The following REPS2 variants were observed in gnomAD, a reference collection of about 807,000 sequenced individuals.
REPS2 encodes ralBP1-associated Eps domain-containing protein 2.
A neutral mutation model predicts 53.6 loss-of-function variants in REPS2; 23 were observed. That is an observed-to-expected ratio of 0.43 (90% CI 0.31 to 0.61). The LOEUF is 0.61. Among genes scored for constraint, REPS2 ranks in the 20% least tolerant of loss-of-function variants. The pLI, the probability that REPS2 is intolerant of heterozygous loss-of-function variation, is 0.11. For missense variants in REPS2, 446 were observed against 534.9 expected, an observed-to-expected ratio of 0.83 and a Z score of 1.64; for synonymous variants, 238 against 218.6, an observed-to-expected ratio of 1.09 and a Z score of -0.78.
chrX:17,073,550 G>GT (rs964447074), intron 11 of REPS2, among the ~76,000 whole-genome samples: 5 of 111,793 alleles, frequency 4.5e-5, no homozygotes, highest in African/African-American at 1.6e-4. Flanking sequence ...ATAATTCTCT[G>GT]TATGATTTGG....
chrX:17,065,958 T>C (rs1822040407), intron 9 of REPS2, among the ~76,000 whole-genome samples: 1 of 111,303 alleles, frequency 9.0e-6, no homozygotes. Context: ...GTGTATGTTC[T>C]GAGGAAGAGG....
rs373292093 is a variant in REPS2, at chrX:16,947,389, C to T, written c.273+255C>T. Among the ~76,000 whole-genome samples, 26 of 112,180 alleles carry T rather than the reference C, an allele frequency of 2.3e-4. No homozygotes were observed. In the East Asian group the frequency reaches 6.8e-3, roughly 29 times the overall value. Reference sequence around the variant, plus strand: ...CTTCCCTGAGACAGTCTGACACTCTCTCCCCTCCCCCGGCCATTTCTGGGG... The same window carrying T: ...CTTCCCTGAGACAGTCTGACACTCTTTCCCCTCCCCCGGCCATTTCTGGGG... On this transcript the variant is annotated intron_variant, in intron 1 of 17. Transcript: ENST00000357277.
In REPS2 at chrX:17,001,736, T is replaced by A. The variant is rs753856882; in HGVS notation, c.274-4485T>A. The stretch of plus-strand genomic sequence containing the variant: ...ATCCGAGACTGGGAAGAAAAAGAGG[T>A]TTAATTGGACTTACAGTTCCACATG... On this transcript the variant is annotated intron_variant, in intron 1 of 17. Coordinates refer to ENST00000357277, the MANE Select transcript of REPS2 (RefSeq NM_004726.3). Among the ~76,000 whole-genome samples the A allele has an allele frequency of 2.7e-5, 3 of 110,728 alleles. No individual in the cohort carries two copies. In the South Asian group the frequency reaches 1.2e-3, roughly 43 times the overall value.
intron 1 of REPS2, among the ~76,000 whole-genome samples, chrX:16,948,391 C>T (rs2060468031): frequency 8.9e-6 from 1 of 112,444 alleles, no homozygotes; most frequent in Non-Finnish European, 1.9e-5. Flanking sequence ...GATATGTAGA[C>T]AGTTCTGCCA....
chrX:17,046,165 T>A (rs772658431), intron 5 of REPS2, among the ~76,000 whole-genome samples: 25 of 107,313 alleles, frequency 2.3e-4, no homozygotes, highest in Non-Finnish European at 3.9e-4. Flanking sequence ...ATTTATTTTT[T>A]TTTTTTTGAG....
chrX:17,037,612 G>A (rs944475207), intron 5 of REPS2, among the ~76,000 whole-genome samples: 2 of 112,538 alleles, frequency 1.8e-5, no homozygotes, highest in Non-Finnish European at 3.8e-5. Context: ...CACCATGCCC[G>A]GCCTCTACCT....
At chrX:17,093,166 C>CCATATATATATATATATATATATA (rs2062641320) in intron 13 of REPS2, among the ~76,000 whole-genome samples, 4 of 39,104 alleles carry the variant, frequency 1.0e-4, no homozygotes, top group African/African-American at 3.6e-4. Flanking sequence ...TGAGTTAATG[C>CCATATATATATATATATATATATA]TATATATATA....
chrX:17,029,545 G>A lies in REPS2; in HGVS notation c.693G>A (p.Gln231=), dbSNP rs766682426. The A allele has an allele frequency of 9.9e-6, 12 of 1,207,569 alleles. 1 individual carries two copies. In the Admixed American group the frequency reaches 2.6e-4, roughly 26 times the overall value. Residue 231 remains glutamine (Q), a synonymous_variant, in exon 5 of 18, where the codon CAG becomes CAA. Coordinates refer to ENST00000357277, the MANE Select transcript of REPS2 (RefSeq NM_004726.3). ...TTTCAGCACCTTATGAAGCTAGGCAGCCCCTTGTCCAGCCCGAGGGATCCT... is the reference window on the plus strand; with the variant it reads ...TTTCAGCACCTTATGAAGCTAGGCAACCCCTTGTCCAGCCCGAGGGATCCT... ...QMHPAPYEAR[Q]PLVQPEGSSS...
intron 5 of REPS2, among the ~76,000 whole-genome samples, chrX:17,045,703 G>T (rs190624327): frequency 2.9e-4 from 32 of 109,698 alleles, no homozygotes; most frequent in African/African-American, 1.0e-3. Flanking sequence ...GGAATAGCCT[G>T]TTTGCTGGGT....
intron 12 of REPS2, 99 bp downstream of exon 12, chrX:17,074,258 C>T (rs1046388796): frequency 1.3e-6 from 1 of 785,466 alleles, no homozygotes; most frequent in Non-Finnish European, 1.9e-6. Flanking sequence ...TTTCCTCTTC[C>T]TTTAGATGTA....
intron 1 of REPS2, among the ~76,000 whole-genome samples, chrX:16,947,722 G>C (rs760917703): frequency 1.8e-5 from 2 of 112,167 alleles, no homozygotes; most frequent in East Asian, 5.6e-4. Flanking sequence ...ACAGGGACAC[G>C]GGACTGCAAG....
rs750740669 is a variant in REPS2, at chrX:17,022,278, A to G, written c.546+7A>G. ...GGACGATGAGGATAAACAGGTAAAC[A>G]GTTTGTTCAGATGTGTTCATTTGAT... On this transcript the variant is annotated splice_region_variant and intron_variant, in intron 3 of 17. Coordinates refer to ENST00000357277, the MANE Select transcript of REPS2 (RefSeq NM_004726.3). 3 of 1,203,756 alleles carry G rather than the reference A, an allele frequency of 2.5e-6. No homozygotes were observed. Among genetic ancestry groups the G allele is most frequent in the African/African-American group, 3.5e-5 (2 of 57,078 alleles).
intron 13 of REPS2, among the ~76,000 whole-genome samples, chrX:17,098,054 C>T (rs750071090): frequency 9.6e-4 from 107 of 110,954 alleles, no homozygotes; most frequent in African/African-American, 3.3e-3. Flanking sequence ...TGCTCTCCAC[C>T]TGAATGAAGC....
chrX:17,139,929 G>A (rs968544350), intron 17 of REPS2, among the ~76,000 whole-genome samples: 1 of 111,506 alleles, frequency 9.0e-6, no homozygotes, highest in African/African-American at 3.3e-5. Context: ...TTGCATATAA[G>A]GTCACATTTA....
chrX:17,121,778 C>A (rs1946115385), intron 14 of REPS2, among the ~76,000 whole-genome samples: 1 of 110,963 alleles, frequency 9.0e-6, no homozygotes, highest in African/African-American at 3.3e-5. Flanking sequence ...GTGGCATGAT[C>A]TCAGCTCACT....
At chrX:17,043,677 C>T (rs1474280257) in intron 5 of REPS2, among the ~76,000 whole-genome samples, 1 of 112,406 alleles carries the variant, frequency 8.9e-6, no homozygotes, top group Non-Finnish European at 1.9e-5. Context: ...TATTTCTCAT[C>T]CACATTCCCA....
intron 2 of REPS2, among the ~76,000 whole-genome samples, chrX:17,007,466 C>T (rs1198985474): frequency 8.9e-6 from 1 of 112,212 alleles, no homozygotes; most frequent in Non-Finnish European, 1.9e-5. Flanking sequence ...GGTTCGTTTT[C>T]CACTTTGCAG....
At chrX:16,969,553 G>A (rs1456038400) in intron 1 of REPS2, among the ~76,000 whole-genome samples, 7 of 109,572 alleles carry the variant, frequency 6.4e-5, no homozygotes, top group African/African-American at 1.3e-4. Context: ...GCGAAACCCC[G>A]TCTCCACCAA....
intron 1 of REPS2, among the ~76,000 whole-genome samples, chrX:16,969,217 G>T (rs1273533769): frequency 9.1e-6 from 1 of 110,161 alleles, no homozygotes; most frequent in Non-Finnish European, 1.9e-5. Flanking sequence ...TGGCGGCCAG[G>T]CAGAGACGCT....
Sources: allele counts gnomAD v4.1 joint callset (sites outside exome capture counted in the v4.1 genomes callset), GRCh38; gene constraint gnomAD v4.1.1; transcripts MANE v1.5; gene names NCBI Gene and HGNC (gene_info 2026-07-23, HGNC 2026-07-21).